FOCAD: variants seen among roughly 807,000 people sequenced by gnomAD.
The protein encoded by FOCAD is focadhesin.
FOCAD carries 198 observed loss-of-function variants against 225.6 expected under a neutral mutation model. The observed-to-expected ratio is 0.88, with a 90% CI of 0.78 to 0.99. The LOEUF is 0.99. Ranked by LOEUF, FOCAD falls within the 50% of genes least tolerant of loss-of-function variation. The pLI is 0.00. For missense variants in FOCAD, 2,713 were observed against 2,123.6 expected, an observed-to-expected ratio of 1.28 and a Z score of -5.46; for synonymous variants, 897 against 755.0, an observed-to-expected ratio of 1.19 and a Z score of -3.08.
chr9:20,796,130 C>T (rs1821074099), intron 11 of FOCAD, among the ~76,000 whole-genome samples: 1 of 152,248 alleles, frequency 6.6e-6, no homozygotes, highest in African/African-American at 2.4e-5. Flanking sequence ...CATGTCCCTA[C>T]AAAGGACATG....
chr9:20,753,827 T>C lies in FOCAD; in HGVS notation c.393-4263T>C, dbSNP rs535094411. ...TAACGATGATAATGTGCAGTGTTTG[T>C]GTTTATTTTTTCAAAACTTGTATAG... On this transcript the variant is annotated intron_variant, in intron 5 of 43. Coordinates refer to ENST00000338382, the MANE Select transcript of FOCAD (RefSeq NM_001375567.1). Among the ~76,000 whole-genome samples the C allele has an allele frequency of 3.3e-4, 49 of 150,460 alleles. 1 individual carries two copies. The South Asian group carries it at 5.2e-3, about 16-fold the overall frequency.
chr9:20,670,713 A>G (rs1238533628), intron 2 of FOCAD, among the ~76,000 whole-genome samples: 1 of 152,116 alleles, frequency 6.6e-6, no homozygotes, highest in African/African-American at 2.4e-5. Context: ...GCCAAACCAT[A>G]TCATCTGTAT....
At chr9:20,740,441 C>G in intron 5 of FOCAD, 101 bp downstream of exon 5, 1 of 659,786 alleles carries the variant, frequency 1.5e-6, no homozygotes, top group Non-Finnish European at 2.6e-6. Flanking sequence ...TTTAATTCAG[C>G]AGGATATGCA....
At chr9:20,936,632 TC>T (rs1835998171) in intron 28 of FOCAD, among the ~76,000 whole-genome samples, 1 of 152,038 alleles carries the variant, frequency 6.6e-6, no homozygotes, top group Non-Finnish European at 1.5e-5. Context: ...ATCGAGACTG[TC>T]CTGGTTAACA....
intron 5 of FOCAD, among the ~76,000 whole-genome samples, chr9:20,743,001 G>A (rs1827757880): frequency 6.6e-6 from 1 of 152,206 alleles, no homozygotes; most frequent in Non-Finnish European, 1.5e-5. Context: ...GAGTGTATAA[G>A]AGCCTTAAGT....
intron 30 of FOCAD, among the ~76,000 whole-genome samples, chr9:20,947,485 G>C (rs1294836105): frequency 1.3e-5 from 2 of 152,112 alleles, no homozygotes; most frequent in Non-Finnish European, 2.9e-5. Flanking sequence ...TGGTTGCTCG[G>C]GCCTACAGGA....
chr9:20,802,820 T>G (rs1180095844), intron 11 of FOCAD, among the ~76,000 whole-genome samples: 1 of 152,134 alleles, frequency 6.6e-6, no homozygotes, highest in East Asian at 1.9e-4. Context: ...GCAGTTTGAA[T>G]TTGCTCATTT....
chr9:20,713,379 G>A (rs1586918996), intron 1 of FOCAD, among the ~76,000 whole-genome samples: 1 of 152,140 alleles, frequency 6.6e-6, no homozygotes, highest in Admixed American at 6.5e-5. Context: ...CTAGATATCT[G>A]TTTGGCTAAT....
chr9:20,813,767 G>C (rs7853809), intron 11 of FOCAD, among the ~76,000 whole-genome samples: 131,687 of 152,136 alleles, frequency 0.87, 57,051 homozygotes, highest in Admixed American at 0.91. Context: ...TTGTTGAAGT[G>C]CTCTGTTTTC....
At chr9:20,958,097 A>T (rs1838367553) in intron 35 of FOCAD, among the ~76,000 whole-genome samples, 1 of 151,540 alleles carries the variant, frequency 6.6e-6, no homozygotes, top group South Asian at 2.1e-4. Flanking sequence ...TGTGTCTGTA[A>T]GCTTTGACCA....
chr9:20,677,623 G>A (rs1320365835), intron 2 of FOCAD, among the ~76,000 whole-genome samples: 1 of 151,240 alleles, frequency 6.6e-6, no homozygotes, highest in Non-Finnish European at 1.5e-5. Context: ...CTCAACATCA[G>A]TAATCATCAT....
At chr9:20,703,218 A>G (rs1032367795) in intron 1 of FOCAD, among the ~76,000 whole-genome samples, 2 of 152,164 alleles carry the variant, frequency 1.3e-5, no homozygotes, top group African/African-American at 4.8e-5. Flanking sequence ...TCGAGGGAAC[A>G]TGTGAAGGGA....
chr9:20,770,438 C>G (rs1010585597), intron 8 of FOCAD, among the ~76,000 whole-genome samples, 200 bp downstream of exon 8: 4 of 152,158 alleles, frequency 2.6e-5, no homozygotes, highest in Admixed American at 6.5e-5. Flanking sequence ...GGAGCCAGCA[C>G]TTCACATGGC....
At chr9:20,778,246 ATTCT>A (rs1419845720) in intron 8 of FOCAD, among the ~76,000 whole-genome samples, 1 of 151,912 alleles carries the variant, frequency 6.6e-6, no homozygotes, top group Non-Finnish European at 1.5e-5. Flanking sequence ...GCATTGACTA[ATTCT>A]TTCTTTTTTT....
intron 2 of FOCAD, among the ~76,000 whole-genome samples, chr9:20,669,485 G>T (rs563271447): frequency 6.6e-6 from 1 of 152,132 alleles, no homozygotes; most frequent in African/African-American, 2.4e-5. Flanking sequence ...AGTGAAAAAA[G>T]AAAACATGGC....
rs761686098 is a variant in FOCAD at position 20,953,086 on chromosome 9, A to C, written c.4132+21A>C. On this transcript the variant is annotated intron_variant, in intron 35 of 43. Transcript: ENST00000338382. ...AAAAGGCAAGTGAGCACATTTCTTG[A>C]ATTTTATCATTCTATCTCCATGTTG... 7.0e-6 allele frequency: 11 copies of C among 1,578,496 alleles called. No homozygotes were observed. The South Asian group carries it at 1.2e-4, about 18-fold the overall frequency.
chr9:20,882,238 T>A (rs1830733365), intron 20 of FOCAD, among the ~76,000 whole-genome samples, 182 bp downstream of exon 20: 1 of 152,146 alleles, frequency 6.6e-6, no homozygotes, highest in Non-Finnish European at 1.5e-5. Context: ...GACAAATAGA[T>A]GGATTTAAGT....
At chr9:20,969,026 C>T (rs1839526589) in intron 35 of FOCAD, among the ~76,000 whole-genome samples, 1 of 152,056 alleles carries the variant, frequency 6.6e-6, no homozygotes, top group Non-Finnish European at 1.5e-5. Flanking sequence ...CTTCTTTAAT[C>T]CATTGGTCAT....
Position 20,929,383 on chromosome 9 carries a change from C to G in FOCAD, c.3104C>G (p.Ala1035Gly), listed in dbSNP as rs751380550. The G allele has an allele frequency of 3.2e-5, 52 of 1,613,946 alleles. No individual in the cohort carries two copies. The highest frequency in any genetic ancestry group is 4.2e-5 in the Non-Finnish European group (50 of 1,179,996). ...YYKSYSGENT[A>G]SAIARSAAAT... Reference sequence around the variant, plus strand: ...AAGTCCTATTCTGGTGAAAACACAGCTAGTGCCATTGCCCGTTCTGCTGCC... The same window carrying G: ...AAGTCCTATTCTGGTGAAAACACAGGTAGTGCCATTGCCCGTTCTGCTGCC... Residue 1035 changes from alanine to glycine, a missense_variant, in exon 27 of 44, where the codon GCT (alanine) becomes GGT (glycine). Coordinates refer to ENST00000338382, the MANE Select transcript of FOCAD (RefSeq NM_001375567.1).
Sources: gnomAD v4.1 joint callset for allele counts (sites outside exome capture counted in the v4.1 genomes callset) on GRCh38, gnomAD v4.1.1 for gene constraint, MANE v1.5 for transcripts, NCBI Gene and HGNC (gene_info 2026-07-23, HGNC 2026-07-21) for gene names.